CPQ: variants seen among roughly 807,000 people sequenced by gnomAD.
CPQ encodes the protein carboxypeptidase Q.
CPQ carries 37 observed loss-of-function variants against 45.7 expected under a neutral mutation model. The ratio of observed to expected loss-of-function variants is 0.81; its 90% confidence interval spans 0.62 to 1.07. CPQ has a LOEUF of 1.07. Ranked by LOEUF, CPQ falls within the 50% of genes least tolerant of loss-of-function variation. CPQ has a pLI of 0.00. For missense variants in CPQ, 537 were observed against 572.9 expected (o/e 0.94, Z 0.64); for synonymous variants, 186 against 205.8 (o/e 0.90, Z 0.82).
At chr8:96,982,303 A>G (rs1813915101) in intron 5 of CPQ, among the ~76,000 whole-genome samples, 1 of 152,182 alleles carries the variant, frequency 6.6e-6, no homozygotes, top group African/African-American at 2.4e-5. Flanking sequence ...CTCTTGCTTT[A>G]GGACTTAAAT....
At chr8:97,070,712 G>A (rs953212663) in intron 7 of CPQ, among the ~76,000 whole-genome samples, 1 of 152,124 alleles carries the variant, frequency 6.6e-6, no homozygotes, top group Non-Finnish European at 1.5e-5. Context: ...CACATAAAAT[G>A]GTGAATTGCT....
intron 1 of CPQ, among the ~76,000 whole-genome samples, chr8:96,734,339 T>G: frequency 6.6e-6 from 1 of 152,192 alleles, no homozygotes; most frequent in East Asian, 1.9e-4. Context: ...ACATCCTCTT[T>G]GGATATTCTC....
chr8:96,870,771 T>A (rs1312005502), intron 3 of CPQ, among the ~76,000 whole-genome samples: 2 of 152,014 alleles, frequency 1.3e-5, no homozygotes, highest in African/African-American at 4.8e-5. Context: ...AAGCCTAACA[T>A]CTCTTTGTGG....
intron 6 of CPQ, among the ~76,000 whole-genome samples, chr8:97,040,233 C>G (rs72606684): frequency 2.0e-4 from 30 of 151,972 alleles, no homozygotes; most frequent in African/African-American, 6.5e-4. Flanking sequence ...CTGATGGCCA[C>G]TGATGGTGAG....
chr8:96,733,001 G>A lies in CPQ; in HGVS notation c.-34-51863G>A, dbSNP rs532554238. Among the ~76,000 whole-genome samples the A allele has an allele frequency of 6.6e-5, 10 of 152,220 alleles. No individual in the cohort carries two copies. In the East Asian group the frequency reaches 1.9e-3, roughly 29 times the overall value. ...TATGTGAGAGACTAATTAATGGTAGGACTCAATGTTTTATCCTGATATGAG... is the reference window on the plus strand; with the variant it reads ...TATGTGAGAGACTAATTAATGGTAGAACTCAATGTTTTATCCTGATATGAG... On this transcript the variant is annotated intron_variant, in intron 1 of 7. Transcript: ENST00000220763.
At chr8:96,878,720 G>C (rs1812180830) in intron 3 of CPQ, among the ~76,000 whole-genome samples, 1 of 152,220 alleles carries the variant, frequency 6.6e-6, no homozygotes, top group Admixed American at 6.5e-5. Flanking sequence ...GGAGACTGGA[G>C]CTGCTTCTAT....
At chr8:97,000,953 A>C (rs936862428) in intron 5 of CPQ, among the ~76,000 whole-genome samples, 5 of 152,100 alleles carry the variant, frequency 3.3e-5, no homozygotes, top group African/African-American at 7.2e-5. Context: ...GAGATCTTTC[A>C]GTTCCCTAGT....
intron 2 of CPQ, among the ~76,000 whole-genome samples, chr8:96,830,496 G>A (rs530788148): frequency 1.3e-5 from 2 of 152,008 alleles, no homozygotes; most frequent in South Asian, 2.1e-4. Flanking sequence ...AAAATTGATC[G>A]GTTTTGAAAA....
Position 97,143,093 on chromosome 8 carries a change from G to A in CPQ, c.1329G>A (p.Met443Ile), listed in dbSNP as rs1381115070. The change falls in exon 8 of 8, where the codon ATG (methionine) becomes ATA (isoleucine). Residue 443 changes from methionine to isoleucine, a missense_variant. Coordinates refer to ENST00000220763, the MANE Select transcript of CPQ (RefSeq NM_016134.4). ...CCCACGGAGACACCATGACTGTCAT[G>A]GATCCAAAGCAGATGAATGTTGCTG... ...HHSHGDTMTV[M>I]DPKQMNVAAA... 6.2e-7 allele frequency: 1 copy of A among 1,613,810 alleles called. No homozygotes were observed. Among genetic ancestry groups the A allele is most frequent in the African/African-American group, 1.3e-5 (1 of 74,864 alleles).
chr8:97,052,474 A>G (rs955990117), intron 6 of CPQ, among the ~76,000 whole-genome samples: 1 of 152,218 alleles, frequency 6.6e-6, no homozygotes, highest in Non-Finnish European at 1.5e-5. Flanking sequence ...CACATGCATT[A>G]TAAGCCTCAT....
chr8:96,785,554 A>G (rs1403126090), intron 2 of CPQ, among the ~76,000 whole-genome samples: 1 of 152,084 alleles, frequency 6.6e-6, no homozygotes, highest in Non-Finnish European at 1.5e-5. Flanking sequence ...ATCTGTAGCT[A>G]CTGGTCCATG....
chr8:96,855,222 A>G (rs1242824668), intron 3 of CPQ, among the ~76,000 whole-genome samples: 3 of 152,226 alleles, frequency 2.0e-5, no homozygotes, highest in Non-Finnish European at 4.4e-5. Context: ...AAACATCCAG[A>G]ATAAAGTTTG....
At chr8:97,002,420 A>G (rs968999945) in intron 5 of CPQ, among the ~76,000 whole-genome samples, 3 of 152,102 alleles carry the variant, frequency 2.0e-5, no homozygotes, top group African/African-American at 7.2e-5. Flanking sequence ...TCTCCCTCTT[A>G]ACACTGCCTT....
intron 1 of CPQ, among the ~76,000 whole-genome samples, chr8:96,764,504 T>C (rs918666399): frequency 2.0e-5 from 3 of 152,214 alleles, no homozygotes; most frequent in Admixed American, 2.0e-4. Context: ...AATGGTCTTA[T>C]GGATGTAAAC....
intron 3 of CPQ, among the ~76,000 whole-genome samples, chr8:96,852,911 T>G (rs182308812): frequency 6.6e-4 from 100 of 152,350 alleles, no homozygotes; most frequent in Admixed American, 3.5e-3. Context: ...TGATAGTGAC[T>G]CAGCATAAGA....
intron 4 of CPQ, among the ~76,000 whole-genome samples, chr8:96,919,762 G>A (rs1812783034): frequency 6.6e-6 from 1 of 152,118 alleles, no homozygotes; most frequent in African/African-American, 2.4e-5. Context: ...TTTTATTTCT[G>A]TGCAGATTTG....
intron 2 of CPQ, among the ~76,000 whole-genome samples, chr8:96,828,835 TC>T (rs1217263893): frequency 3.9e-5 from 6 of 152,112 alleles, no homozygotes; most frequent in African/African-American, 1.4e-4. Context: ...GTATAAATGT[TC>T]CCTGTGATAA....
At chr8:96,682,954 A>G (rs1161357425) in intron 1 of CPQ, among the ~76,000 whole-genome samples, 2 of 152,170 alleles carry the variant, frequency 1.3e-5, no homozygotes, top group Non-Finnish European at 2.9e-5. Flanking sequence ...GTTATTATTG[A>G]TAAATGAGGA....
chr8:97,140,766 A>G (rs997268240), intron 7 of CPQ, among the ~76,000 whole-genome samples: 3 of 152,082 alleles, frequency 2.0e-5, no homozygotes. Flanking sequence ...CTGAAGAAGA[A>G]GGAAGAGAAA....
Sources: gnomAD v4.1 joint callset for allele counts (sites outside exome capture counted in the v4.1 genomes callset) on GRCh38, gnomAD v4.1.1 for gene constraint, MANE v1.5 for transcripts, NCBI Gene and HGNC (gene_info 2026-07-23, HGNC 2026-07-21) for gene names.